Variants in CHN1 observed in about 807,000 individuals in gnomAD.
CHN1 encodes chimerin 1.
In CHN1, 37 loss-of-function variants were observed where a neutral mutation model predicts 59.5. The observed-to-expected ratio is 0.62, with a 90% CI of 0.48 to 0.82. CHN1 has a LOEUF of 0.82. Among genes scored for constraint, CHN1 ranks in the 40% least tolerant of loss-of-function variants. CHN1 has a pLI of 0.00. For missense variants in CHN1, 469 were observed against 571.0 expected (o/e 0.82, Z 1.82); for synonymous variants, 206 against 200.4 (o/e 1.03, Z -0.24).
At chr2:175,001,581 A>C (rs951574256) in intron 1 of CHN1, among the ~76,000 whole-genome samples, 5 of 152,226 alleles carry the variant, frequency 3.3e-5, no homozygotes, top group Non-Finnish European at 7.3e-5. Flanking sequence ...CTATGGTAGT[A>C]AGATGGTGAC....
chr2:174,809,382 C>G (rs1685003253), intron 10 of CHN1, among the ~76,000 whole-genome samples: 1 of 152,152 alleles, frequency 6.6e-6, no homozygotes, highest in South Asian at 2.1e-4. Context: ...ACATGGTTAA[C>G]CATCATATCT....
intron 2 of CHN1, among the ~76,000 whole-genome samples, chr2:174,948,423 C>CAATA (rs565575486): frequency 5.9e-5 from 9 of 152,112 alleles, no homozygotes; most frequent in Non-Finnish European, 8.8e-5. Flanking sequence ...TTAATTCACA[C>CAATA]AATAAGTACT....
intron 1 of CHN1, among the ~76,000 whole-genome samples, chr2:174,994,321 A>G (rs1206073396): frequency 6.6e-6 from 1 of 152,204 alleles, no homozygotes; most frequent in Admixed American, 6.5e-5. Flanking sequence ...CACATTTACT[A>G]AATTTTTAAA....
At chr2:174,912,513 G>A (rs1688733095) in intron 5 of CHN1, among the ~76,000 whole-genome samples, 1 of 152,092 alleles carries the variant, frequency 6.6e-6, no homozygotes, top group African/African-American at 2.4e-5. Flanking sequence ...TCAAGTTCAA[G>A]GACTTATTCC....
At chr2:174,910,769 G>A (rs961636442) in intron 5 of CHN1, among the ~76,000 whole-genome samples, 29 of 151,890 alleles carry the variant, frequency 1.9e-4, no homozygotes, top group African/African-American at 4.8e-4. Flanking sequence ...GCGCAGTGGC[G>A]GGCGCCTGTA....
intron 5 of CHN1, among the ~76,000 whole-genome samples, chr2:174,881,290 C>T (rs1453015600): frequency 6.6e-6 from 1 of 152,112 alleles, no homozygotes; most frequent in African/African-American, 2.4e-5. Flanking sequence ...TTGCAGTCTT[C>T]TCCTGTAGTC....
At chr2:174,986,314 A>G (rs1222788254) in intron 1 of CHN1, among the ~76,000 whole-genome samples, 1 of 152,252 alleles carries the variant, frequency 6.6e-6, no homozygotes, top group Non-Finnish European at 1.5e-5. Context: ...TTTGTTTTTC[A>G]TAAAATATAA....
chr2:174,930,704 G>A (rs11900044), intron 3 of CHN1, among the ~76,000 whole-genome samples: 6,476 of 152,174 alleles, frequency 0.043, 494 homozygotes, highest in African/African-American at 0.15. Flanking sequence ...GTATGAAAAA[G>A]TCCAACTTAA....
At chr2:174,992,938 G>A (rs1691588876) in intron 1 of CHN1, among the ~76,000 whole-genome samples, 1 of 152,024 alleles carries the variant, frequency 6.6e-6, no homozygotes, top group Non-Finnish European at 1.5e-5. Flanking sequence ...CTACAAGTGT[G>A]TGCCACCATG....
At chr2:174,885,467 A>G (rs1249189784) in intron 5 of CHN1, among the ~76,000 whole-genome samples, 1 of 151,950 alleles carries the variant, frequency 6.6e-6, no homozygotes, top group Non-Finnish European at 1.5e-5. Flanking sequence ...TGCTTTTTCT[A>G]TTGACATTTG....
intron 1 of CHN1, among the ~76,000 whole-genome samples, chr2:174,975,376 A>G (rs953028346): frequency 2.6e-5 from 4 of 152,086 alleles, no homozygotes; most frequent in African/African-American, 9.7e-5. Context: ...AAATTCACTA[A>G]TTGTTAGTAC....
rs1395723126 is a variant in CHN1 at position 174,931,907 on chromosome 2, C to T, written c.114+12981G>A. 2.6e-5 allele frequency among the ~76,000 whole-genome samples: 4 copies of T among 152,092 alleles called. No individual in the cohort carries two copies. The East Asian group carries it at 7.7e-4, about 29-fold the overall frequency. On this transcript the variant is annotated intron_variant, in intron 3 of 12. Transcript: ENST00000409900. ...CTGAGAAGCATGAAGACTGGTCAGG[C>T]TGAAGCAGAATGGGGGCAGGGAAGA... is the stretch of plus-strand genomic sequence containing the variant.
intron 1 of CHN1, among the ~76,000 whole-genome samples, chr2:174,988,111 G>A (rs561290396): frequency 2.8e-4 from 42 of 152,220 alleles, no homozygotes; most frequent in Non-Finnish European, 1.5e-5. Flanking sequence ...TGTAATCCCA[G>A]CACTTTGGGA....
intron 7 of CHN1, among the ~76,000 whole-genome samples, chr2:174,834,010 G>A (rs1020479043): frequency 6.6e-6 from 1 of 152,050 alleles, no homozygotes; most frequent in African/African-American, 2.4e-5. Context: ...CTTGCCACGT[G>A]CCTCAGGCTA....
chr2:174,863,716 G>C (rs891870570), intron 6 of CHN1, among the ~76,000 whole-genome samples: 2 of 152,142 alleles, frequency 1.3e-5, no homozygotes, highest in African/African-American at 4.8e-5. Context: ...TCTATCAGTT[G>C]TAACTTTTAC....
At chr2:174,857,269 C>T (rs1686933037) in intron 6 of CHN1, among the ~76,000 whole-genome samples, 1 of 152,142 alleles carries the variant, frequency 6.6e-6, no homozygotes, top group Non-Finnish European at 1.5e-5. Context: ...TTTCGTGGGT[C>T]TCCCCTCACT....
At chr2:174,811,858 A>C (rs1685086237) in intron 9 of CHN1, among the ~76,000 whole-genome samples, 1 of 152,222 alleles carries the variant, frequency 6.6e-6, no homozygotes, top group African/African-American at 2.4e-5. Flanking sequence ...CCCCAATTAC[A>C]TCATAAATTC....
Position 174,799,567 on chromosome 2 carries a change from C to T in CHN1, c.*549G>A. The T allele has an allele frequency of 1.9e-6, 1 of 524,356 alleles. No homozygotes were observed. Among genetic ancestry groups the T allele is most frequent in the Middle Eastern group, 5.3e-4 (1 of 1,872 alleles). The allele number at this position is 524,356 out of a possible 1,614,324, so 32.5% of individuals were successfully genotyped here. Reference sequence around the variant, plus strand: ...AATCTGAAAACACATTTTGCTTTTGCTGGAAAGAAAGTACTATGTTAGAGA... The same window carrying T: ...AATCTGAAAACACATTTTGCTTTTGTTGGAAAGAAAGTACTATGTTAGAGA... On this transcript the variant is annotated 3_prime_UTR_variant, in exon 13 of 13. Coordinates refer to ENST00000409900, the MANE Select transcript of CHN1 (RefSeq NM_001822.7).
At chr2:174,830,667 T>C (rs1351639705) in intron 7 of CHN1, among the ~76,000 whole-genome samples, 1 of 152,152 alleles carries the variant, frequency 6.6e-6, no homozygotes, top group African/African-American at 2.4e-5. Context: ...GAAACATAGC[T>C]TTAAGCACTG....
Sources: gnomAD v4.1 joint callset for allele counts (sites outside exome capture counted in the v4.1 genomes callset) on GRCh38, gnomAD v4.1.1 for gene constraint, MANE v1.5 for transcripts, NCBI Gene and HGNC (gene_info 2026-07-23, HGNC 2026-07-21) for gene names.